Variants in FUT8 observed in about 807,000 individuals in gnomAD.
The protein encoded by FUT8 is fucosyltransferase 8, also known as alpha-(1,6)-fucosyltransferase.
FUT8 carries 29 observed loss-of-function variants against 71.3 expected under a neutral mutation model. The ratio of observed to expected loss-of-function variants is 0.41; its 90% CI spans 0.30 to 0.55. FUT8 has a LOEUF of 0.55. FUT8 is among the 20% of genes least tolerant of loss of function. The pLI is 0.34. For synonymous variants in FUT8, 254 were observed against 239.3 expected (o/e 1.06, Z -0.57); for missense variants, 544 against 702.1 (o/e 0.77, Z 2.55).
chr14:65,733,358 C>A lies in FUT8; in HGVS notation c.1387C>A (p.Leu463Ile). The A allele has an allele frequency of 6.3e-7, 1 of 1,591,182 alleles. No individual in the cohort carries two copies. Among genetic ancestry groups the A allele is most frequent in the Non-Finnish European group, 8.5e-7 (1 of 1,170,000 alleles). The change falls in exon 10 of 11, where the codon CTA (leucine) becomes ATA (isoleucine). Residue 463 changes from leucine (L) to isoleucine (I), a missense_variant. Coordinates refer to ENST00000673929, the MANE Select transcript of FUT8 (RefSeq NM_001371533.1). ...DIHFLSQADF[L>I]VCTFSSQVCR... ...ACATTTTCTCTCTCAGGCAGACTTC[C>A]TAGTGTGTACTTTTTCATCCCAGGT...
intron 2 of FUT8, chr14:65,479,653 C>G (rs1258102876): frequency 6.6e-6 from 1 of 152,138 alleles, no homozygotes; most frequent in South Asian, 2.1e-4. Flanking sequence ...TCCCCCTCCC[C>G]TCCTGTTTTT....
At chr14:65,616,746 C>T (rs1229704486) in intron 5 of FUT8, among the ~76,000 whole-genome samples, 1 of 151,874 alleles carries the variant, frequency 6.6e-6, no homozygotes, top group Admixed American at 6.6e-5. Flanking sequence ...ATAGTGAGTC[C>T]GATGGTTACA....
chr14:65,583,148 T>G (rs143990125), intron 3 of FUT8, among the ~76,000 whole-genome samples: 2 of 152,262 alleles, frequency 1.3e-5, no homozygotes, highest in East Asian at 3.9e-4. Context: ...AAAGTACACC[T>G]TTTGGGTTTC....
intron 1 of FUT8, among the ~76,000 whole-genome samples, chr14:65,421,779 T>G (rs527658057): frequency 7.5e-6 from 1 of 134,062 alleles, no homozygotes; most frequent in East Asian, 2.6e-4. Flanking sequence ...CACAGTCTTT[T>G]TCGTGATTTC....
intron 8 of FUT8, among the ~76,000 whole-genome samples, chr14:65,723,094 T>C (rs1456019798): frequency 6.6e-6 from 1 of 151,616 alleles, no homozygotes; most frequent in Non-Finnish European, 1.5e-5. Flanking sequence ...AGTGGATCAC[T>C]TGAGCCCAGA....
chr14:65,527,579 C>T (rs141303410), intron 2 of FUT8, among the ~76,000 whole-genome samples: 90 of 152,286 alleles, frequency 5.9e-4, no homozygotes, highest in African/African-American at 1.9e-3. Context: ...AGTCATTCTC[C>T]GTCCAGCTTT....
At chr14:65,676,509 C>T (rs565773067) in intron 7 of FUT8, among the ~76,000 whole-genome samples, 1 of 152,260 alleles carries the variant, frequency 6.6e-6, no homozygotes, top group South Asian at 2.1e-4. Context: ...CAAATTGAGT[C>T]GTGTTTGAAA....
intron 2 of FUT8, among the ~76,000 whole-genome samples, chr14:65,475,021 C>T (rs530837698): frequency 6.6e-6 from 1 of 152,264 alleles, no homozygotes; most frequent in Non-Finnish European, 1.5e-5. Flanking sequence ...AAGTAAATAT[C>T]ACTTGAGAAT....
intron 2 of FUT8, among the ~76,000 whole-genome samples, chr14:65,525,702 G>A (rs1274653782): frequency 2.0e-5 from 3 of 152,160 alleles, no homozygotes; most frequent in Non-Finnish European, 4.4e-5. Context: ...GGCATTTAGT[G>A]CTATAAATTT....
At chr14:65,538,245 C>T (rs185054628) in intron 2 of FUT8, among the ~76,000 whole-genome samples, 1 of 152,294 alleles carries the variant, frequency 6.6e-6, no homozygotes, top group Middle Eastern at 3.4e-3. Context: ...TGAGGGGTCT[C>T]CTCCTGCTGG....
intron 9 of FUT8, among the ~76,000 whole-genome samples, chr14:65,729,209 C>T (rs1043904859): frequency 2.0e-5 from 3 of 151,740 alleles, no homozygotes; most frequent in Middle Eastern, 3.4e-3. Flanking sequence ...ATGGTAGAGA[C>T]GGGATTGCAT....
intron 6 of FUT8, among the ~76,000 whole-genome samples, chr14:65,661,161 C>T (rs1424796861): frequency 6.6e-6 from 1 of 152,106 alleles, no homozygotes; most frequent in Admixed American, 6.6e-5. Context: ...TAGGGAGGAG[C>T]TGGAAGGATC....
intron 1 of FUT8, among the ~76,000 whole-genome samples, chr14:65,418,680 A>T (rs969136343): frequency 2.6e-5 from 4 of 151,988 alleles, no homozygotes; most frequent in African/African-American, 9.7e-5. Flanking sequence ...GAGATGAAGG[A>T]GATTTATTCA....
At chr14:65,407,291 T>C (rs2139328273), upstream of FUT8, among the ~76,000 whole-genome samples, 1 of 152,328 alleles carries the variant, frequency 6.6e-6, no homozygotes, top group Middle Eastern at 3.4e-3. Context: ...AATTTTGCCA[T>C]ACCAAAGCTA....
At chr14:65,617,638 T>C (rs1889352328) in intron 5 of FUT8, among the ~76,000 whole-genome samples, 1 of 152,170 alleles carries the variant, frequency 6.6e-6, no homozygotes. Flanking sequence ...TGATGGAATG[T>C]TTAATTTTAA....
chr14:65,441,678 G>A (rs1036278387), intron 1 of FUT8, among the ~76,000 whole-genome samples: 2 of 142,722 alleles, frequency 1.4e-5, no homozygotes, highest in Non-Finnish European at 3.0e-5. Flanking sequence ...GCCTGAATCC[G>A]GGAGGCAGAG....
chr14:65,394,945 T>C, the FUT8 span, among the ~76,000 whole-genome samples: 1 of 152,172 alleles, frequency 6.6e-6, no homozygotes, highest in Admixed American at 6.5e-5. Context: ...GGTTTCAGTA[T>C]TTTGTCCAGG....
the FUT8 span, among the ~76,000 whole-genome samples, chr14:65,390,573 A>C: frequency 0.024 from 3,598 of 151,984 alleles, 133 homozygotes; most frequent in African/African-American, 0.082. Flanking sequence ...GGTTTTCTAA[A>C]AGGGTTATTA....
the FUT8 span, among the ~76,000 whole-genome samples, chr14:65,385,390 A>T: frequency 0.048 from 7,262 of 152,258 alleles, 216 homozygotes; most frequent in Middle Eastern, 0.11. Flanking sequence ...ATTCTCCCTT[A>T]AACTCTGAAC....
Sources: allele counts gnomAD v4.1 joint callset (sites outside exome capture counted in the v4.1 genomes callset), GRCh38; gene constraint gnomAD v4.1.1; transcripts MANE v1.5; gene names NCBI Gene and HGNC (gene_info 2026-07-23, HGNC 2026-07-21).